TOGARAM1: variants seen among roughly 807,000 people sequenced by gnomAD.
TOGARAM1 encodes the protein TOG array regulator of axonemal microtubules protein 1.
A neutral mutation model predicts 166.6 loss-of-function variants in TOGARAM1; 100 were observed. That is an observed-to-expected ratio of 0.60 (90% CI 0.51 to 0.71). The LOEUF (loss-of-function observed/expected upper bound fraction) is 0.71. TOGARAM1 is among the 30% of genes least tolerant of loss of function. TOGARAM1 has a pLI of 0.00. For missense variants in TOGARAM1, 2,029 were observed against 2,102.7 expected (o/e 0.96, Z 0.69); for synonymous variants, 758 against 763.8 (o/e 0.99, Z 0.13).
In TOGARAM1 at chr14:44,962,696, G is replaced by T; in HGVS notation, c.275G>T (p.Gly92Val). The T allele has an allele frequency of 6.2e-7, 1 of 1,614,178 alleles. No homozygotes were observed. The highest frequency in any genetic ancestry group is 8.5e-7 in the Non-Finnish European group (1 of 1,180,046). Residue 92 changes from glycine to valine, a missense_variant, in exon 1 of 20, where the codon GGA (glycine) becomes GTA (valine). By Grantham distance (109) the Gly-to-Val change is moderately radical. Transcript: ENST00000361462. ...GAGTCTGGAGGCGGTTTGTCAGGGG[G>T]AGATGAAGAGGACACTCGGCTCCTT... ...WSESGGGLSG[G>V]DEEDTRLLQL...
At position 44,995,790 on chromosome 14, in the gene TOGARAM1, T is replaced by G. The variant is rs1172780375; in HGVS notation, c.2091T>G (p.Ser697=). ...TCCCATCTGCAAAATTAAAGCTTTC[T>G]CAAGGAATGCCAGTCAATGATGATT... ...DFIPSAKLKL[S]QGMPVNDDLC... Residue 697 remains serine (S), a synonymous_variant, in exon 2 of 20, where the codon TCT becomes TCG. Coordinates refer to ENST00000361462, the MANE Select transcript of TOGARAM1 (RefSeq NM_001308120.2). 6.3e-7 allele frequency: 1 copy of G among 1,598,494 alleles called. No homozygotes were observed. The highest frequency in any genetic ancestry group is 1.8e-5 in the Admixed American group (1 of 56,802).
intron 16 of TOGARAM1, among the ~76,000 whole-genome samples, chr14:45,062,689 A>G (rs938271502): frequency 1.3e-5 from 2 of 152,174 alleles, no homozygotes; most frequent in East Asian, 1.9e-4. Flanking sequence ...ATAATATTCA[A>G]TAAATTATTC....
intron 1 of TOGARAM1, among the ~76,000 whole-genome samples, chr14:44,967,099 A>G (rs550191056): frequency 8.5e-5 from 13 of 152,308 alleles, no homozygotes; most frequent in Admixed American, 3.3e-4. Flanking sequence ...TTGAAAACAA[A>G]AGTCTGAGTA....
At chr14:45,003,663 A>T (rs1887791673) in intron 3 of TOGARAM1, among the ~76,000 whole-genome samples, 1 of 152,098 alleles carries the variant, frequency 6.6e-6, no homozygotes, top group Non-Finnish European at 1.5e-5. Flanking sequence ...CATGTTGATG[A>T]TAGGGAAAAT....
intron 11 of TOGARAM1, among the ~76,000 whole-genome samples, chr14:45,038,371 C>T (rs921467953): frequency 4.6e-5 from 7 of 152,238 alleles, no homozygotes; most frequent in African/African-American, 1.7e-4. Context: ...TTGCTACCAG[C>T]CCAGATCCCA....
intron 1 of TOGARAM1, among the ~76,000 whole-genome samples, chr14:44,973,314 C>T (rs982726788): frequency 2.0e-5 from 3 of 151,780 alleles, no homozygotes; most frequent in Admixed American, 6.6e-5. Context: ...AACTAATCCA[C>T]GTTCACTTTC....
chr14:44,990,104 C>G (rs1887050200), intron 1 of TOGARAM1, among the ~76,000 whole-genome samples: 1 of 152,138 alleles, frequency 6.6e-6, no homozygotes, highest in Non-Finnish European at 1.5e-5. Flanking sequence ...GATTACAATT[C>G]AAGACAAGAT....
Position 45,032,324 on chromosome 14 carries a change from A to C in TOGARAM1, c.3760A>C (p.Lys1254Gln). The C allele has an allele frequency of 6.2e-7, 1 of 1,614,110 alleles. No individual in the cohort carries two copies. Among genetic ancestry groups the C allele is most frequent in the South Asian group, 1.1e-5 (1 of 91,072 alleles). ...MDLSELRPFS[K>Q]PEIALTEALR... ...TCTGTCAGAACTACGACCATTCTCT[A>C]AACCAGAAATAGCACTGACAGAAGC... Residue 1254 changes from lysine to glutamine, a missense_variant, in exon 11 of 20, where the codon AAA becomes CAA. This residue lies in a region of TOGARAM1 where 576 missense variants were observed against 670.5 expected (regional missense o/e 0.86). Transcript: ENST00000361462.
At chr14:45,059,292 G>A (rs993483377) in intron 16 of TOGARAM1, among the ~76,000 whole-genome samples, 3 of 151,998 alleles carry the variant, frequency 2.0e-5, no homozygotes, top group Non-Finnish European at 4.4e-5. Context: ...ATCCTCCCAC[G>A]TTAGCTTTCC....
intron 1 of TOGARAM1, among the ~76,000 whole-genome samples, chr14:44,987,316 G>A (rs973033243): frequency 2.6e-5 from 4 of 151,984 alleles, no homozygotes; most frequent in South Asian, 2.1e-4. Context: ...AGAGTGAATA[G>A]GCAACCTACA....
rs539037606 is a variant in TOGARAM1, at chr14:44,977,789, G to A, written c.2046+13322G>A. On this transcript the variant is annotated intron_variant, in intron 1 of 19. Coordinates refer to ENST00000361462, the MANE Select transcript of TOGARAM1 (RefSeq NM_001308120.2). ...GCCTCCCAAGTAGCTGGGACTACAG[G>A]CGTGTGCCACCATGCCCAGCTAATT... 7.2e-5 allele frequency among the ~76,000 whole-genome samples: 11 copies of A among 152,134 alleles called. No individual in the cohort carries two copies. The East Asian group carries it at 2.1e-3, about 30-fold the overall frequency.
chr14:45,071,868 A>G, intron 19 of TOGARAM1, 70 bp downstream of exon 19: 1 of 1,196,812 alleles, frequency 8.4e-7, no homozygotes, highest in South Asian at 1.4e-5. Flanking sequence ...GTTTCAATTT[A>G]ATTTTAGGAT....
chr14:45,046,459 C>G, intron 13 of TOGARAM1, 86 bp from the exon 14 acceptor site: 5 of 1,188,894 alleles, frequency 4.2e-6, no homozygotes, highest in Non-Finnish European at 5.3e-6. Flanking sequence ...AAAATACAAA[C>G]AAACAAAAAC....
chr14:44,992,330 G>C (rs28517769), intron 1 of TOGARAM1, among the ~76,000 whole-genome samples: 32,983 of 151,824 alleles, frequency 0.22, 7,827 homozygotes, highest in African/African-American at 0.59. Flanking sequence ...TTAATGCCCA[G>C]CATTAAGGGG....
At chr14:44,995,546 C>T in intron 1 of TOGARAM1, 200 bp from the exon 2 acceptor site, 1 of 587,054 alleles carries the variant, frequency 1.7e-6, no homozygotes, top group Non-Finnish European at 3.2e-6. Flanking sequence ...TAAGAAAAAA[C>T]AATTAGCATT....
At chr14:45,012,434 A>G (rs944010148) in intron 7 of TOGARAM1, among the ~76,000 whole-genome samples, 1 of 152,208 alleles carries the variant, frequency 6.6e-6, no homozygotes, top group African/African-American at 2.4e-5. Flanking sequence ...GAACCACTGG[A>G]CATCCCGAAA....
rs1882069549 is a variant in TOGARAM1 at position 45,046,425 on chromosome 14, G to C, written c.4155-120G>C. ...CATTCCAGCCTCAGTGACAGAGCAA[G>C]ACCCTGTCCCAAAAAACAAAACCAA... On this transcript the variant is annotated intron_variant, in intron 13 of 19. Coordinates refer to ENST00000361462, the MANE Select transcript of TOGARAM1 (RefSeq NM_001308120.2). 1.0e-5 allele frequency: 8 copies of C among 784,986 alleles called. No homozygotes were observed. The South Asian group carries it at 3.9e-4, about 38-fold the overall frequency. The allele number at this position is 784,986 out of a possible 1,614,324, so 48.6% of individuals were successfully genotyped here. A position where few individuals can be genotyped will look rare whatever the true frequency, so the allele number is the denominator to read the frequency against.
intron 13 of TOGARAM1, among the ~76,000 whole-genome samples, chr14:45,045,577 ATATATATGTGTGTGTGTG>A (rs1386419573): frequency 2.4e-4 from 9 of 37,520 alleles, no homozygotes; most frequent in African/African-American, 1.4e-3. Context: ...ATATATATAT[ATATATATGTGTGTGTGTG>A]TGTGTGTGTG....
At chr14:45,031,931 G>A (rs968542638) in intron 10 of TOGARAM1, among the ~76,000 whole-genome samples, 29 of 152,060 alleles carry the variant, frequency 1.9e-4, no homozygotes, top group African/African-American at 5.8e-4. Flanking sequence ...AGGCTGAGGC[G>A]GATGGATTGC....
Sources: gnomAD v4.1 joint callset for allele counts (sites outside exome capture counted in the v4.1 genomes callset) on GRCh38, gnomAD v4.1.1 for gene constraint, gnomAD v4.1.1 regional missense constraint, MANE v1.5 for transcripts, NCBI Gene and HGNC (gene_info 2026-07-23, HGNC 2026-07-21) for gene names.